TENM1: variants seen among roughly 807,000 people sequenced by gnomAD.
TENM1 encodes the protein teneurin transmembrane protein 1.
A neutral mutation model predicts 174.8 loss-of-function variants in TENM1; 35 were observed. The observed-to-expected ratio is 0.20, with a 90% confidence interval of 0.15 to 0.27. The LOEUF (loss-of-function observed/expected upper bound fraction) is 0.27, where lower values mean the gene tolerates loss of function less well. TENM1 is among the 10% of genes least tolerant of loss of function. The probability of loss-of-function intolerance (pLI) is 1.00; values close to 1 mark genes in which losing one functional copy is unlikely to be tolerated. For missense variants in TENM1, 1,633 were observed against 2,130.1 expected, an observed-to-expected ratio of 0.77 and a Z score of 4.59; for synonymous variants, 781 against 798.7, an observed-to-expected ratio of 0.98 and a Z score of 0.37.
chrX:124,943,022 CT>C (rs750414007), intron 1 of TENM1, among the ~76,000 whole-genome samples: 2 of 111,391 alleles, frequency 1.8e-5, no homozygotes, highest in African/African-American at 6.5e-5. Flanking sequence ...TACTTTTCTT[CT>C]TTGGTTCGAA....
intron 11 of TENM1, among the ~76,000 whole-genome samples, chrX:124,611,628 C>T (rs781606440): frequency 9.0e-6 from 1 of 111,191 alleles, no homozygotes; most frequent in Non-Finnish European, 1.9e-5. Context: ...GATAAGAAGA[C>T]CAATAATGTT....
chrX:125,178,984 AT>A, the TENM1 span, among the ~76,000 whole-genome samples: 1 of 110,982 alleles, frequency 9.0e-6, no homozygotes, highest in Non-Finnish European at 1.9e-5. Context: ...AAAAAAAAAA[AT>A]GACCTATATT....
rs760441342 is a variant in TENM1 at position 124,759,292 on chromosome X, C to T, written c.536-22095G>A. Among the ~76,000 whole-genome samples, 6 of 110,605 alleles carry T rather than the reference C, an allele frequency of 5.4e-5. No homozygotes were observed. The East Asian group carries it at 8.5e-4, about 16-fold the overall frequency. ...CCAAGAATTGTAGTGTTCTTAATAA[C>T]GTATGTTTTAATAGATAGAAATAGT... On this transcript the variant is annotated intron_variant, in intron 3 of 31. Transcript: ENST00000422452.
intron 28 of TENM1, among the ~76,000 whole-genome samples, chrX:124,389,915 T>C (rs763066536): frequency 5.4e-5 from 6 of 111,960 alleles, no homozygotes; most frequent in Non-Finnish European, 9.4e-5. Context: ...AATCAGTAGC[T>C]ACCCTTTTAA....
Position 124,783,447 on chromosome X carries a change from G to A in TENM1, c.536-46250C>T, listed in dbSNP as rs188713148. ...CATATATTGTGTTATACACATACTC[G>A]TTATTTTTATGATAAGCATGTGTTA... On this transcript the variant is annotated intron_variant, in intron 3 of 31. Transcript: ENST00000422452. Among the ~76,000 whole-genome samples the A allele has an allele frequency of 5.8e-3, 645 of 111,603 alleles. 4 individuals carry two copies. The highest frequency in any genetic ancestry group is 0.038 in the South Asian group (102 of 2,704).
chrX:125,156,593 CT>C, the TENM1 span, among the ~76,000 whole-genome samples: 3 of 112,082 alleles, frequency 2.7e-5, no homozygotes, highest in Admixed American at 9.4e-5. Context: ...TGCTTTCATT[CT>C]TTTTTTATGG....
chrX:125,054,408 C>T, the TENM1 span, among the ~76,000 whole-genome samples: 3 of 110,760 alleles, frequency 2.7e-5, no homozygotes, highest in Non-Finnish European at 5.7e-5. Flanking sequence ...TATTTCTTTA[C>T]AGCAGTGTGA....
chrX:125,036,231 T>TA, the TENM1 span, among the ~76,000 whole-genome samples: 1 of 112,018 alleles, frequency 8.9e-6, no homozygotes, highest in Non-Finnish European at 1.9e-5. Context: ...GAATGTAATT[T>TA]ATGCCTGTTG....
At chrX:124,387,152 C>T (rs189721544) in intron 28 of TENM1, among the ~76,000 whole-genome samples, 1 of 107,865 alleles carries the variant, frequency 9.3e-6, no homozygotes, top group Admixed American at 1.0e-4. Flanking sequence ...CTTCACATTT[C>T]CATTTGTGTT....
In TENM1 at chrX:124,607,147, G is replaced by C. The variant is rs1227161464; in HGVS notation, c.2077+34644C>G. Reference sequence around the variant, plus strand: ...TATGATGAGCCAAGTACTATTCCAGGCAATGGCTATACAGTGGTGGTCAAA... The same window carrying C: ...TATGATGAGCCAAGTACTATTCCAGCCAATGGCTATACAGTGGTGGTCAAA... On this transcript the variant is annotated intron_variant, in intron 11 of 31. Coordinates refer to ENST00000422452, the Ensembl canonical transcript of TENM1. Among the ~76,000 whole-genome samples the C allele has an allele frequency of 6.3e-5, 7 of 111,466 alleles. No homozygotes were observed. In the East Asian group the frequency reaches 2.0e-3, roughly 31 times the overall value.
At chrX:125,168,526 G>A in the TENM1 span, among the ~76,000 whole-genome samples, 1 of 111,443 alleles carries the variant, frequency 9.0e-6, no homozygotes, top group Non-Finnish European at 1.9e-5. Flanking sequence ...AACAGAATAT[G>A]GCAAAGGCAA....
chrX:124,622,967 T>G (rs1169977585), intron 11 of TENM1, among the ~76,000 whole-genome samples: 2 of 112,196 alleles, frequency 1.8e-5, no homozygotes, highest in Non-Finnish European at 3.8e-5. Context: ...TTTTCTGCCC[T>G]CTCTGATGTA....
At chrX:124,655,440 C>G (rs989499665) in intron 6 of TENM1, among the ~76,000 whole-genome samples, 2 of 112,099 alleles carry the variant, frequency 1.8e-5, no homozygotes, top group Non-Finnish European at 3.8e-5. Flanking sequence ...AGGGTTACAT[C>G]TCAGGTGAGA....
chrX:125,123,855 T>A, the TENM1 span, among the ~76,000 whole-genome samples: 2 of 112,618 alleles, frequency 1.8e-5, no homozygotes, highest in African/African-American at 6.5e-5. Flanking sequence ...ACAGATTTAC[T>A]CCAATGCATT....
chrX:124,967,869 T>A (rs2147832707), upstream of TENM1, among the ~76,000 whole-genome samples: 1 of 111,619 alleles, frequency 9.0e-6, no homozygotes, highest in East Asian at 2.8e-4. Context: ...GCCACTAGGG[T>A]CATCATCACA....
intron 16 of TENM1, among the ~76,000 whole-genome samples, chrX:124,526,369 T>C (rs915757519): frequency 2.2e-4 from 25 of 111,836 alleles, no homozygotes; most frequent in African/African-American, 8.1e-4. Context: ...AAGACAATAA[T>C]ATCAATATCT....
At chrX:124,581,060 CTTT>C (rs1202109466) in intron 11 of TENM1, among the ~76,000 whole-genome samples, 11 of 63,952 alleles carry the variant, frequency 1.7e-4, no homozygotes, top group African/African-American at 4.7e-4. Flanking sequence ...ATACTTAGTT[CTTT>C]TTTTTTTTTT....
chrX:125,101,806 A>G, the TENM1 span, among the ~76,000 whole-genome samples: 1 of 111,997 alleles, frequency 8.9e-6, no homozygotes, highest in Admixed American at 9.5e-5. Flanking sequence ...ATGTCACAAT[A>G]TATGAACTCT....
the TENM1 span, among the ~76,000 whole-genome samples, chrX:124,993,110 T>G: frequency 9.0e-6 from 1 of 111,063 alleles, no homozygotes; most frequent in Non-Finnish European, 1.9e-5. Context: ...TCAATAAATA[T>G]TAAATAACAA....
Sources: allele counts gnomAD v4.1 joint callset (sites outside exome capture counted in the v4.1 genomes callset), GRCh38; gene constraint gnomAD v4.1.1; transcripts MANE v1.5; gene names NCBI Gene and HGNC (gene_info 2026-07-23, HGNC 2026-07-21).